Variants in CFAP251 observed in about 807,000 individuals in gnomAD.
CFAP251 encodes the protein cilia and flagella associated protein 251.
CFAP251 carries 93 observed loss-of-function variants against 126.7 expected under a neutral mutation model. The observed-to-expected ratio is 0.73, with a 90% CI of 0.62 to 0.87. The LOEUF (loss-of-function observed/expected upper bound fraction) is 0.87, where lower values mean the gene tolerates loss of function less well. CFAP251 is among the 40% of genes least tolerant of loss of function. CFAP251 has a pLI of 0.00. For synonymous variants in CFAP251, 503 were observed against 506.9 expected (o/e 0.99, Z 0.10); for missense variants, 1,287 against 1,389.2 (o/e 0.93, Z 1.17).
At chr12:121,931,647 C>T (rs2135753072) in intron 3 of CFAP251, 99 bp from the exon 4 acceptor site, 2 of 1,222,342 alleles carry the variant, frequency 1.6e-6, no homozygotes, top group Non-Finnish European at 2.2e-6. Context: ...CTTCACTGAA[C>T]TGTTGATGTG....
intron 19 of CFAP251, among the ~76,000 whole-genome samples, chr12:121,990,288 A>G (rs528817818): frequency 2.6e-5 from 4 of 152,044 alleles, no homozygotes; most frequent in Non-Finnish European, 4.4e-5. Context: ...ACCCTTCTCT[A>G]TACTCTCCAA....
chr12:121,928,078 C>G (rs535789954), intron 3 of CFAP251, among the ~76,000 whole-genome samples: 1 of 152,242 alleles, frequency 6.6e-6, no homozygotes, highest in East Asian at 1.9e-4. Flanking sequence ...TGAAGTCAGC[C>G]TCGTGGTGAC....
chr12:121,954,756 G>A (rs894992529), intron 10 of CFAP251, among the ~76,000 whole-genome samples: 1 of 150,788 alleles, frequency 6.6e-6, no homozygotes, highest in Non-Finnish European at 1.5e-5. Flanking sequence ...TTGCCTCTGA[G>A]GAAAAGAACT....
At chr12:121,945,231 T>C (rs1881271055) in intron 7 of CFAP251, among the ~76,000 whole-genome samples, 1 of 152,216 alleles carries the variant, frequency 6.6e-6, no homozygotes, top group African/African-American at 2.4e-5. Context: ...TCTACCTGCA[T>C]TATCTGGCCC....
chr12:121,979,563 C>CTTTTTTTTT (rs71082922), intron 19 of CFAP251, among the ~76,000 whole-genome samples: 24,503 of 83,872 alleles, frequency 0.29, 5,928 homozygotes, highest in East Asian at 0.46. Context: ...CTTTCTTCTT[C>CTTTTTTTTT]TTTTTTTTTT....
intron 19 of CFAP251, among the ~76,000 whole-genome samples, chr12:121,986,931 G>A (rs574529543): frequency 1.1e-4 from 17 of 152,270 alleles, no homozygotes; most frequent in African/African-American, 3.9e-4. Flanking sequence ...TAAACATGCA[G>A]CTTGTGTTGC....
chr12:121,983,197 T>C (rs1438737645), intron 19 of CFAP251, among the ~76,000 whole-genome samples: 1 of 151,970 alleles, frequency 6.6e-6, no homozygotes, highest in Non-Finnish European at 1.5e-5. Context: ...GATTGTGCCA[T>C]TGCACTCCAG....
intron 15 of CFAP251, among the ~76,000 whole-genome samples, chr12:121,963,451 G>C (rs1882015424): frequency 6.6e-6 from 1 of 151,750 alleles, no homozygotes; most frequent in South Asian, 2.1e-4. Flanking sequence ...TCCCGGGAGA[G>C]GCTGGGCTGG....
Position 121,937,316 on chromosome 12 carries a change from A to C in CFAP251, c.998+2960A>C, listed in dbSNP as rs146210519. On this transcript the variant is annotated intron_variant, in intron 5 of 21. Coordinates refer to ENST00000288912, the MANE Select transcript of CFAP251 (RefSeq NM_144668.6). The stretch of plus-strand genomic sequence containing the variant: ...TCTTCCCATGACATTCCCACCATGC[A>C]TCCATCTGTGTCTTCTTGAGGACAC... Among the ~76,000 whole-genome samples, 575 of 152,242 alleles carry C rather than the reference A, an allele frequency of 3.8e-3. 3 individuals are homozygous for C. Among genetic ancestry groups the C allele is most frequent in the African/African-American group, 0.013 (554 of 41,546 alleles).
At chr12:122,001,641 T>C in intron 21 of CFAP251, 43 bp downstream of exon 21, 1 of 1,490,654 alleles carries the variant, frequency 6.7e-7, no homozygotes, top group Non-Finnish European at 9.4e-7. Flanking sequence ...TGTGGCTCAC[T>C]GATTTGTTGT....
In CFAP251 at chr12:121,975,346, T is replaced by C. The variant is rs780274694; in HGVS notation, c.2862+12T>C. ...GAAAATTCTACAGGGTAATTGTCCC[T>C]AGAGTAAACACCTCCTGGTAACATC... On this transcript the variant is annotated intron_variant, in intron 18 of 21. Coordinates refer to ENST00000288912, the MANE Select transcript of CFAP251 (RefSeq NM_144668.6). 56 of 1,610,984 alleles carry C rather than the reference T, an allele frequency of 3.5e-5. No homozygotes were observed. The Middle Eastern group carries it at 4.9e-4, about 14-fold the overall frequency.
chr12:121,923,023 C>T (rs1443715186), intron 2 of CFAP251, among the ~76,000 whole-genome samples: 2 of 151,914 alleles, frequency 1.3e-5, no homozygotes, highest in East Asian at 1.9e-4. Flanking sequence ...TCTCGATCTC[C>T]TGACCTCGTG....
intron 3 of CFAP251, among the ~76,000 whole-genome samples, chr12:121,928,016 A>G (rs1336688615): frequency 6.6e-6 from 1 of 152,172 alleles, no homozygotes; most frequent in Non-Finnish European, 1.5e-5. Context: ...ATACTATTTG[A>G]TTTCCACAAT....
At chr12:121,990,740 C>A (rs1379844598) in intron 19 of CFAP251, among the ~76,000 whole-genome samples, 1 of 152,152 alleles carries the variant, frequency 6.6e-6, no homozygotes, top group Non-Finnish European at 1.5e-5. Flanking sequence ...TATTTTTACA[C>A]CTGATTTTTA....
In CFAP251 at chr12:121,921,394, A is replaced by T. The variant is rs369186072; in HGVS notation, c.89A>T (p.Tyr30Phe). Residue 30 changes from tyrosine (Y) to phenylalanine (F), a missense_variant, in exon 2 of 22, where the codon TAT (tyrosine) becomes TTT (phenylalanine). Coordinates refer to ENST00000288912, the MANE Select transcript of CFAP251 (RefSeq NM_144668.6). Reference protein sequence around the residue: ...MKEEEEPNPNYKEVEDPQQES... With the variant: ...MKEEEEPNPNFKEVEDPQQES... ...GAAGAGGAGGAACCTAATCCAAATT[A>T]TAAAGAAGTAGAAGATCCACAACAG... 6 of 1,613,970 alleles carry T rather than the reference A, an allele frequency of 3.7e-6. No homozygotes were observed. The highest frequency in any genetic ancestry group is 5.1e-6 in the Non-Finnish European group (6 of 1,179,986).
chr12:121,949,271 A>G (rs531538278), intron 8 of CFAP251: 1 of 284,132 alleles, frequency 3.5e-6, no homozygotes, highest in East Asian at 6.0e-5. Context: ...TTATTTATTA[A>G]ATTTTATTGA....
intron 17 of CFAP251, among the ~76,000 whole-genome samples, chr12:121,968,648 GT>G (rs1349861696): frequency 6.6e-6 from 1 of 152,070 alleles, no homozygotes; most frequent in East Asian, 1.9e-4. Context: ...GATAATATGA[GT>G]TTGAATATGG....
intron 7 of CFAP251, among the ~76,000 whole-genome samples, chr12:121,946,303 G>C (rs1881325520): frequency 6.6e-6 from 1 of 152,170 alleles, no homozygotes; most frequent in Non-Finnish European, 1.5e-5. Flanking sequence ...ACTGTTAATG[G>C]ACATTGGGTT....
At chr12:121,935,210 G>T (rs1880844342) in intron 5 of CFAP251, among the ~76,000 whole-genome samples, 1 of 152,150 alleles carries the variant, frequency 6.6e-6, no homozygotes, top group African/African-American at 2.4e-5. Flanking sequence ...TCCTGCCTCG[G>T]CCTCCCAAAG....
Sources: allele counts gnomAD v4.1 joint callset (sites outside exome capture counted in the v4.1 genomes callset), GRCh38; gene constraint gnomAD v4.1.1; transcripts MANE v1.5; gene names NCBI Gene and HGNC (gene_info 2026-07-23, HGNC 2026-07-21).